Variants in NDUFV3 observed in about 807,000 individuals in gnomAD.
NDUFV3 encodes the protein NADH:ubiquinone oxidoreductase subunit V3.
NDUFV3 carries 44 observed loss-of-function variants against 37.5 expected under a neutral mutation model. That is an observed-to-expected ratio of 1.17 (90% CI 0.92 to 1.51). The LOEUF is 1.51. Among genes scored for constraint, NDUFV3 ranks in the 40% most tolerant of loss-of-function variants. The pLI, the probability that NDUFV3 is intolerant of heterozygous loss-of-function variation, is 0.00. For synonymous variants in NDUFV3, 235 were observed against 239.3 expected (o/e 0.98, Z 0.17); for missense variants, 580 against 580.4 (o/e 1.00, Z 0.01).
intron 3 of NDUFV3, among the ~76,000 whole-genome samples, chr21:42,907,860 G>A (rs892154822): frequency 1.3e-5 from 2 of 151,782 alleles, no homozygotes; most frequent in Non-Finnish European, 2.9e-5. Context: ...CAAAGTGCTG[G>A]GATTATGGGC....
rs1330545284 is a variant in NDUFV3, at chr21:42,908,877, G to A, written c.1278G>A (p.Val426=). 6 of 1,614,056 alleles carry A rather than the reference G, an allele frequency of 3.7e-6. No homozygotes were observed. Among genetic ancestry groups the A allele is most frequent in the African/African-American group, 1.3e-5 (1 of 74,922 alleles). ...DRGGTQEPAP[V]PAEPFDNTTY... is the part of the protein sequence containing the mutation. ...TTTCCTCCGCAGAGCCAGCCCCAGT[G>A]CCTGCTGAGCCGTTTGACAACACTA... Residue 426 remains valine, a synonymous_variant, in exon 4 of 4, where the codon GTG becomes GTA. Transcript: ENST00000354250.
chr21:42,904,258 G>A lies in NDUFV3; in HGVS notation c.1246G>A (p.Asp416Asn), dbSNP rs919752001. 1.9e-6 allele frequency: 3 copies of A among 1,600,472 alleles called. No homozygotes were observed. In the East Asian group the frequency reaches 6.8e-5, roughly 36 times the overall value. The change falls in exon 3 of 4, where the codon GAC (aspartate) becomes AAC (asparagine). Residue 416 changes from aspartate (D) to asparagine (N), a missense_variant. Transcript: ENST00000354250. ...GGAAGATGCAGCCGCGCCAGGGGAC[G>A]ACCGAGGCGGCACACAGGGTATACC... ...AMEDAAAPGDDRGGTQEPAPV... is the reference protein window; with the variant it reads ...AMEDAAAPGDNRGGTQEPAPV...
chr21:42,907,043 G>C (rs2058745139), intron 3 of NDUFV3: 2 of 375,130 alleles, frequency 5.3e-6, no homozygotes, highest in Admixed American at 3.4e-5. Flanking sequence ...CTAATGACCT[G>C]ATTTACAGAA....
intron 3 of NDUFV3, among the ~76,000 whole-genome samples, chr21:42,905,716 A>T (rs940242063): frequency 1.3e-5 from 2 of 151,968 alleles, no homozygotes; most frequent in Admixed American, 6.5e-5. Context: ...GGGTTTTACC[A>T]TGTAGGCCAG....
chr21:42,908,283 A>C (rs1184572832), intron 3 of NDUFV3, among the ~76,000 whole-genome samples: 1 of 151,964 alleles, frequency 6.6e-6, no homozygotes, highest in Non-Finnish European at 1.5e-5. Flanking sequence ...ACTCCAGCCT[A>C]GACAACAGAG....
intron 1 of NDUFV3, among the ~76,000 whole-genome samples, chr21:42,893,885 G>A (rs1487296093): frequency 6.6e-6 from 1 of 152,192 alleles, no homozygotes; most frequent in Non-Finnish European, 1.5e-5. Context: ...GTGAAAAGGA[G>A]AAGAAGGGCT....
rs66493713 is a variant in NDUFV3, at chr21:42,911,439, C to CTTTTT, written c.*2445_*2449dup. The CTTTTT allele has an allele frequency of 1.9e-4, 13 of 67,604 alleles. No homozygotes were observed. Among genetic ancestry groups the CTTTTT allele is most frequent in the East Asian group, 3.7e-4 (1 of 2,676 alleles). The allele number at this position is 67,604 out of a possible 1,614,324, so 4.2% of individuals were successfully genotyped here. On this transcript the variant is annotated 3_prime_UTR_variant, in exon 4 of 4. Coordinates refer to ENST00000354250, the MANE Select transcript of NDUFV3 (RefSeq NM_021075.4). ...CTAAAATCCACTATGCTAACCCACC[C>CTTTTT]TTTTTTTTTTTTTTTTTTTTTTTTT...
chr21:42,909,502 A>G lies in NDUFV3; in HGVS notation c.*481A>G. The G allele has an allele frequency of 4.9e-6, 1 of 203,800 alleles. No homozygotes were observed. Among genetic ancestry groups the G allele is most frequent in the South Asian group, 8.2e-5 (1 of 12,218 alleles). 12.6% of individuals were successfully genotyped at this position (203,800 alleles called of 1,614,324 possible). ...AACAGTAACACTGATTATCCAACAT[A>G]TATTTTGGAATATCTACTATGTGCA... On this transcript the variant is annotated 3_prime_UTR_variant, in exon 4 of 4. Coordinates refer to ENST00000354250, the MANE Select transcript of NDUFV3 (RefSeq NM_021075.4).
Position 42,909,388 on chromosome 21 carries a change from C to T in NDUFV3, c.*367C>T. The stretch of plus-strand genomic sequence containing the variant: ...AACTCCTGACCTCAGATGGTCTGCC[C>T]ACCTCCGCCTCCCAAAGTGCTGGGA... On this transcript the variant is annotated 3_prime_UTR_variant, in exon 4 of 4. Coordinates refer to ENST00000354250, the MANE Select transcript of NDUFV3 (RefSeq NM_021075.4). 2 of 319,540 alleles carry T rather than the reference C, an allele frequency of 6.3e-6. No homozygotes were observed. Among genetic ancestry groups the T allele is most frequent in the South Asian group, 5.3e-5 (2 of 37,400 alleles). 19.8% of individuals were successfully genotyped at this position (319,540 alleles called of 1,614,324 possible).
chr21:42,904,428 A>G (rs2058732911), intron 3 of NDUFV3, 152 bp downstream of exon 3: 2 of 982,818 alleles, frequency 2.0e-6, no homozygotes, highest in Non-Finnish European at 3.1e-6. Context: ...CAGGCAGAAA[A>G]GTATGTCTTA....
intron 1 of NDUFV3, among the ~76,000 whole-genome samples, chr21:42,894,412 T>TGTAA (rs1306590562): frequency 4.4e-4 from 21 of 48,272 alleles, no homozygotes; most frequent in African/African-American, 4.3e-3. Context: ...TTATATAATA[T>TGTAA]ATAATATATT....
At chr21:42,899,725 G>C (rs1056979624) in intron 2 of NDUFV3, among the ~76,000 whole-genome samples, 1 of 152,208 alleles carries the variant, frequency 6.6e-6, no homozygotes, top group Non-Finnish European at 1.5e-5. Context: ...TTACAGGCGT[G>C]AGCCACTGCA....
intron 1 of NDUFV3, among the ~76,000 whole-genome samples, chr21:42,896,684 C>G (rs186915079): frequency 1.7e-4 from 26 of 152,046 alleles, no homozygotes; most frequent in Non-Finnish European, 3.8e-4. Context: ...GATCTCGTCT[C>G]TATAAAAAAT....
intron 1 of NDUFV3, among the ~76,000 whole-genome samples, chr21:42,895,056 A>C (rs1212389948): frequency 3.9e-5 from 6 of 152,152 alleles, no homozygotes; most frequent in Non-Finnish European, 8.8e-5. Flanking sequence ...ATAAGAAAAC[A>C]TTTTACAGAA....
At chr21:42,896,208 G>C (rs540316830) in intron 1 of NDUFV3, among the ~76,000 whole-genome samples, 1 of 142,526 alleles carries the variant, frequency 7.0e-6, no homozygotes, top group African/African-American at 2.6e-5. Context: ...CCAGGCTAGA[G>C]TGCAGTGGCA....
chr21:42,896,719 G>T (rs1355330909), intron 1 of NDUFV3, among the ~76,000 whole-genome samples: 1 of 152,098 alleles, frequency 6.6e-6, no homozygotes, highest in African/African-American at 2.4e-5. Context: ...AGGCATGGTA[G>T]TATGTGCCTG....
rs2058673688 is a variant in NDUFV3, at chr21:42,894,351, AAATATATAT to A, written c.48+971_48+979del. Among the ~76,000 whole-genome samples the A allele has an allele frequency of 5.3e-5, 2 of 37,458 alleles. 1 individual carries two copies. The highest frequency in any genetic ancestry group is 9.2e-4 in the African/African-American group (2 of 2,184). 24.6% of individuals were successfully genotyped at this position (37,458 alleles called of 152,430 possible). The stretch of plus-strand genomic sequence containing the variant: ...AATACATATTATATATATTATATAT[AAATATATAT>A]TATATATATATTTATATAATATGTA... On this transcript the variant is annotated intron_variant, in intron 1 of 3. Coordinates refer to ENST00000354250, the MANE Select transcript of NDUFV3 (RefSeq NM_021075.4).
intron 2 of NDUFV3, among the ~76,000 whole-genome samples, chr21:42,902,471 T>C (rs1450544881): frequency 6.6e-6 from 1 of 152,146 alleles, no homozygotes; most frequent in East Asian, 1.9e-4. Context: ...GATAGGGGGA[T>C]CACTAAAAAC....
rs1235493429 is a variant in NDUFV3, at chr21:42,897,038, C to T, written c.160C>T (p.Pro54Ser). The T allele has an allele frequency of 6.2e-7, 1 of 1,613,706 alleles. No homozygotes were observed. Among genetic ancestry groups the T allele is most frequent in the Non-Finnish European group, 8.5e-7 (1 of 1,179,920 alleles). The part of the protein sequence containing the change: ...GQPQNSKKQS[P>S]PKNVVEPKER... ...GCCACAGAATTCCAAGAAGCAAAGT[C>T]CACCAAAAAGTAAGATTTTGATGGT... is the stretch of plus-strand genomic sequence containing the variant. Residue 54 changes from proline (P) to serine (S), a missense_variant, in exon 2 of 4, where the codon CCA becomes TCA. Coordinates refer to ENST00000354250, the MANE Select transcript of NDUFV3 (RefSeq NM_021075.4).
Sources: allele counts gnomAD v4.1 joint callset (sites outside exome capture counted in the v4.1 genomes callset), GRCh38; gene constraint gnomAD v4.1.1; transcripts MANE v1.5; gene names NCBI Gene and HGNC (gene_info 2026-07-23, HGNC 2026-07-21).